The following WDR7 variants were observed in gnomAD, a reference collection of about 807,000 sequenced individuals.
WDR7 encodes WD repeat domain 7.
Under a neutral mutation model 169.4 loss-of-function variants are expected in WDR7, and 46 were observed. That is an observed-to-expected ratio of 0.27 (90% CI 0.21 to 0.35). The LOEUF (loss-of-function observed/expected upper bound fraction) is 0.35. Ranked by LOEUF, WDR7 falls within the 10% of genes least tolerant of loss-of-function variation. The pLI is 1.00. For synonymous variants in WDR7, 612 were observed against 666.8 expected (o/e 0.92, Z 1.27); for missense variants, 1,534 against 1,859.3 (o/e 0.83, Z 3.22).
At chr18:56,656,511 C>T (rs2024776115) in intron 1 of WDR7, among the ~76,000 whole-genome samples, 1 of 151,570 alleles carries the variant, frequency 6.6e-6, no homozygotes, top group African/African-American at 2.4e-5. Context: ...AACTCCTGAG[C>T]TCAGGCAATC....
intron 20 of WDR7, among the ~76,000 whole-genome samples, chr18:56,862,327 T>C (rs1037437195): frequency 1.3e-5 from 2 of 151,610 alleles, no homozygotes; most frequent in African/African-American, 4.8e-5. Flanking sequence ...GTTGTAATTA[T>C]AGCTTTTTGA....
At chr18:56,798,904 GT>G (rs1365566806) in intron 19 of WDR7, among the ~76,000 whole-genome samples, 1 of 152,154 alleles carries the variant, frequency 6.6e-6, no homozygotes, top group East Asian at 1.9e-4. Flanking sequence ...TTAAAACAAT[GT>G]TAAGTAAATG....
At chr18:56,754,091 G>A (rs2144923364) in intron 14 of WDR7, among the ~76,000 whole-genome samples, 1 of 151,520 alleles carries the variant, frequency 6.6e-6, no homozygotes, top group East Asian at 1.9e-4. Context: ...TTTCTTTCCA[G>A]TCACATATAT....
chr18:56,843,857 C>CTTTTTTTTTTTTTTTTTTTT (rs776575088), intron 20 of WDR7, among the ~76,000 whole-genome samples: 5 of 134,330 alleles, frequency 3.7e-5, no homozygotes, highest in Non-Finnish European at 4.7e-5. Flanking sequence ...TTTTTTCTTT[C>CTTTTTTTTTTTTTTTTTTTT]TTTTTTTTTT....
Position 56,897,865 on chromosome 18 carries a change from A to G in WDR7, c.3526+17700A>G, listed in dbSNP as rs184297126. 8.5e-5 allele frequency among the ~76,000 whole-genome samples: 13 copies of G among 152,170 alleles called. No homozygotes were observed. In the East Asian group the frequency reaches 1.9e-3, roughly 23 times the overall value. On this transcript the variant is annotated intron_variant, in intron 21 of 27. Transcript: ENST00000254442. ...ACCTCATAGTTTAGTATGCATGCATACAGATATAGAAATAAATATAAATAC... is the reference window on the plus strand; with the variant it reads ...ACCTCATAGTTTAGTATGCATGCATGCAGATATAGAAATAAATATAAATAC...
chr18:56,818,782 G>A (rs1208150416), intron 20 of WDR7, among the ~76,000 whole-genome samples: 2 of 151,618 alleles, frequency 1.3e-5, no homozygotes, highest in Admixed American at 6.6e-5. Context: ...CTTGTTTTGG[G>A]GTAACTAGTG....
chr18:56,883,209 CAAA>C (rs767585796), intron 21 of WDR7, among the ~76,000 whole-genome samples: 28 of 55,470 alleles, frequency 5.0e-4, no homozygotes, highest in African/African-American at 1.2e-3. Flanking sequence ...GACTCCGTCT[CAAA>C]AAAAAAAAAA....
chr18:56,693,562 T>TTTTTTTG (rs2025625511), intron 9 of WDR7, among the ~76,000 whole-genome samples: 1 of 34,746 alleles, frequency 2.9e-5, no homozygotes, highest in African/African-American at 4.5e-5. Flanking sequence ...ATTTTGTTGG[T>TTTTTTTG]TTTTTTTTTT....
chr18:56,651,901 T>C (rs968520949), intron 1 of WDR7: 6 of 152,454 alleles, frequency 3.9e-5, no homozygotes, highest in African/African-American at 1.4e-4. Context: ...GTGATGATCG[T>C]TGGTGGTTAT....
rs546278024 is a variant in WDR7 at position 57,008,802 on chromosome 18, G to C, written c.4165-11943G>C. On this transcript the variant is annotated intron_variant, in intron 26 of 27. Coordinates refer to ENST00000254442, the MANE Select transcript of WDR7 (RefSeq NM_015285.3). ...TCAACCTGTTGGTCTCCCATTCCTA[G>C]ATTCACTGGCAGGGGTCCTATCTCA... Among the ~76,000 whole-genome samples the C allele has an allele frequency of 2.6e-5, 4 of 152,270 alleles. No individual in the cohort carries two copies. The East Asian group carries it at 7.7e-4, about 29-fold the overall frequency.
intron 26 of WDR7, among the ~76,000 whole-genome samples, chr18:56,993,090 G>A (rs929182026): frequency 5.3e-5 from 8 of 152,164 alleles, no homozygotes; most frequent in East Asian, 1.9e-4. Flanking sequence ...TTTTACATAT[G>A]TGACAAATAG....
chr18:56,714,855 A>G (rs2026159070), intron 12 of WDR7, among the ~76,000 whole-genome samples: 1 of 152,096 alleles, frequency 6.6e-6, no homozygotes, highest in South Asian at 2.1e-4. Flanking sequence ...TGTAGAAATG[A>G]AAAGCTAGAA....
At chr18:56,916,765 T>C (rs1411007940) in intron 21 of WDR7, among the ~76,000 whole-genome samples, 2 of 152,192 alleles carry the variant, frequency 1.3e-5, no homozygotes, top group Non-Finnish European at 2.9e-5. Context: ...TATGTGTGTA[T>C]GTGTTTTAAA....
intron 27 of WDR7, among the ~76,000 whole-genome samples, chr18:57,025,813 A>G (rs181149162): frequency 6.6e-6 from 1 of 152,230 alleles, no homozygotes; most frequent in Admixed American, 6.5e-5. Context: ...TGTGTTTTGC[A>G]CTGATCCACA....
intron 19 of WDR7, among the ~76,000 whole-genome samples, chr18:56,794,965 A>G (rs913047810): frequency 1.3e-5 from 2 of 152,200 alleles, no homozygotes; most frequent in Non-Finnish European, 2.9e-5. Flanking sequence ...AGTATTATAA[A>G]TTCTAACATT....
chr18:56,824,472 A>G (rs1316164965), intron 20 of WDR7, among the ~76,000 whole-genome samples: 1 of 152,220 alleles, frequency 6.6e-6, no homozygotes, highest in East Asian at 1.9e-4. Flanking sequence ...ATAAATGTTT[A>G]TTGAATGAAT....
chr18:57,035,885 G>C, the WDR7 span: 1 of 152,212 alleles, frequency 6.6e-6, no homozygotes, highest in African/African-American at 2.4e-5. Flanking sequence ...ATCGAAAATG[G>C]ATCACAGGAG....
chr18:56,932,733 T>G (rs949736702), intron 22 of WDR7, among the ~76,000 whole-genome samples: 1 of 152,206 alleles, frequency 6.6e-6, no homozygotes, highest in Non-Finnish European at 1.5e-5. Flanking sequence ...ATGATGTACT[T>G]ATTCAGTCCA....
At chr18:56,872,104 T>A (rs1311431684) in intron 20 of WDR7, among the ~76,000 whole-genome samples, 1 of 152,098 alleles carries the variant, frequency 6.6e-6, no homozygotes, top group African/African-American at 2.4e-5. Context: ...ATAGCACATA[T>A]AAAGTATCTG....
Sources: gnomAD v4.1 joint callset for allele counts (sites outside exome capture counted in the v4.1 genomes callset) on GRCh38, gnomAD v4.1.1 for gene constraint, MANE v1.5 for transcripts, NCBI Gene and HGNC (gene_info 2026-07-23, HGNC 2026-07-21) for gene names.